The following E2F1 variants were observed in gnomAD, a reference collection of about 807,000 sequenced individuals.
E2F1 encodes the protein E2F transcription factor 1.
E2F1 carries 7 observed loss-of-function variants against 36.9 expected under a neutral mutation model. The ratio of observed to expected loss-of-function variants is 0.19; its 90% CI spans 0.11 to 0.36. The LOEUF (loss-of-function observed/expected upper bound fraction) is 0.36, where lower values mean the gene tolerates loss of function less well. E2F1 is among the 10% of genes least tolerant of loss of function. The pLI is 1.00. For missense variants in E2F1, 406 were observed against 573.6 expected, an observed-to-expected ratio of 0.71 and a Z score of 2.99; for synonymous variants, 261 against 263.1, an observed-to-expected ratio of 0.99 and a Z score of 0.08.
intron 1 of E2F1, among the ~76,000 whole-genome samples, chr20:33,682,536 C>G (rs1217926952): frequency 1.3e-5 from 2 of 152,218 alleles, no homozygotes; most frequent in East Asian, 3.8e-4. Flanking sequence ...GGCCCAAACC[C>G]TAGCATGCTT....
chr20:33,678,647 T>A (rs1252713746), intron 3 of E2F1, among the ~76,000 whole-genome samples: 4 of 150,318 alleles, frequency 2.7e-5, no homozygotes, highest in African/African-American at 9.8e-5. Context: ...TTCCAAGACA[T>A]GCTGTCAAAT....
chr20:33,682,669 G>A (rs1216138954), intron 1 of E2F1, among the ~76,000 whole-genome samples: 1 of 152,144 alleles, frequency 6.6e-6, no homozygotes, highest in Admixed American at 6.5e-5. Context: ...CTTCTCCCTA[G>A]ATAAACACTG....
At chr20:33,680,557 G>A (rs2018008194) in intron 1 of E2F1, 141 bp from the exon 2 acceptor site, 1 of 663,184 alleles carries the variant, frequency 1.5e-6, no homozygotes. Flanking sequence ...AGATCAGAGG[G>A]GACATAGCCT....
Position 33,679,944 on chromosome 20 carries a change from T to C in E2F1, c.383A>G (p.Tyr128Cys). The C allele has an allele frequency of 6.2e-7, 1 of 1,614,150 alleles. No individual in the cohort carries two copies. Among genetic ancestry groups the C allele is most frequent in the Non-Finnish European group, 8.5e-7 (1 of 1,179,992 alleles). ...GGTGGTCAGATTCAGTGAGGTCTCA[T>C]AGCGTGACTTCTCCCCCGGGGATTT... is the stretch of plus-strand genomic sequence containing the variant. The part of the protein sequence containing the change: ...GVKSPGEKSR[Y>C]ETSLNLTTKR... The change falls in exon 3 of 7, where the codon TAT becomes TGT. Residue 128 changes from tyrosine (Y) to cysteine (C), a missense_variant. This residue lies in a region of E2F1 where 77 missense variants were observed against 131.7 expected (regional missense o/e 0.58). Coordinates refer to ENST00000343380, the MANE Select transcript of E2F1 (RefSeq NM_005225.3). The surrounding 1 kb of genome is among the most constrained non-coding windows in gnomAD (Gnocchi z 4.6).
chr20:33,685,466 C>G (rs1465342738), intron 1 of E2F1, among the ~76,000 whole-genome samples: 1 of 152,122 alleles, frequency 6.6e-6, no homozygotes, highest in Non-Finnish European at 1.5e-5. Context: ...GACTTTCCTC[C>G]GCCCCGCCTT....
intron 1 of E2F1, among the ~76,000 whole-genome samples, chr20:33,683,450 C>CAAAAA (rs60838396): frequency 9.1e-5 from 5 of 54,738 alleles, no homozygotes; most frequent in Admixed American, 5.5e-4. Context: ...GACTTCATCT[C>CAAAAA]AAAAAAAAAA....
intron 1 of E2F1, among the ~76,000 whole-genome samples, chr20:33,685,758 T>C: frequency 6.6e-6 from 1 of 152,140 alleles, no homozygotes; most frequent in African/African-American, 2.4e-5. Flanking sequence ...AGTCCGACGC[T>C]GGGGAGGCTC....
At position 33,679,730 on chromosome 20, in the gene E2F1, G is replaced by T. The variant is rs374343061; in HGVS notation, c.572+25C>A. On this transcript the variant is annotated intron_variant, in intron 3 of 6. Transcript: ENST00000343380. The surrounding 1 kb of genome is among the most constrained non-coding windows in gnomAD (Gnocchi z 4.6). ...CAGGCTGGCATGGGCAGGTGTGCCT[G>T]CCCTCCTGTGTGGCCGGTACCTACA... 2 of 1,608,478 alleles carry T rather than the reference G, an allele frequency of 1.2e-6. No individual in the cohort carries two copies. The highest frequency in any genetic ancestry group is 2.7e-5 in the African/African-American group (2 of 74,906).
intron 1 of E2F1, 62 bp downstream of exon 1, chr20:33,685,942 C>G: frequency 9.2e-7 from 1 of 1,088,704 alleles, no homozygotes; most frequent in Non-Finnish European, 1.1e-6. Flanking sequence ...ACACGGCGCC[C>G]TCCCGGGTCT....
In E2F1 at chr20:33,676,910, G is replaced by A. The variant is rs1160751229; in HGVS notation, c.1136C>T (p.Ala379Val). Residue 379 changes from alanine (A) to valine (V), a missense_variant, in exon 7 of 7, where the codon GCG (alanine) becomes GTG (valine). Physicochemically the swap from Ala to Val is moderately conservative, Grantham distance 64. Around this residue, in one of 5 missense-constraint regions of E2F1, gnomAD observed 163 missense variants for 181.5 expected, o/e 0.90. Coordinates refer to ENST00000343380, the MANE Select transcript of E2F1 (RefSeq NM_005225.3). ...CACATGCTCCAGGAGCGAGTCGGCCGCCACCAGCGGGGACAGGCGGTCCTC... is the reference window on the plus strand; with the variant it reads ...CACATGCTCCAGGAGCGAGTCGGCCACCACCAGCGGGGACAGGCGGTCCTC... ...VDEDRLSPLVAADSLLEHVRE... is the reference protein window; with the variant it reads ...VDEDRLSPLVVADSLLEHVRE... The A allele has an allele frequency of 1.5e-5, 24 of 1,568,286 alleles. No individual in the cohort carries two copies. Among genetic ancestry groups the A allele is most frequent in the South Asian group, 2.3e-5 (2 of 86,112 alleles).
chr20:33,678,048 T>C (rs1373238020), intron 4 of E2F1, among the ~76,000 whole-genome samples, 153 bp downstream of exon 4: 1 of 152,216 alleles, frequency 6.6e-6, no homozygotes, highest in Non-Finnish European at 1.5e-5. Flanking sequence ...GTTAAGCAAT[T>C]TATCCAGTGT....
At chr20:33,684,130 T>C (rs1248979009) in intron 1 of E2F1, among the ~76,000 whole-genome samples, 1 of 152,222 alleles carries the variant, frequency 6.6e-6, no homozygotes, top group African/African-American at 2.4e-5. Flanking sequence ...GTTGAATGAA[T>C]GGAATGCCCA....
intron 1 of E2F1, 42 bp from the exon 2 acceptor site, chr20:33,680,458 G>A: frequency 6.3e-7 from 1 of 1,586,880 alleles, no homozygotes; most frequent in Non-Finnish European, 8.6e-7. Context: ...CAGGAGTGAG[G>A]CCAGAAGAGA....
Position 33,676,981 on chromosome 20 carries a change from T to TG in E2F1, c.1067-3dup. 1 of 1,563,440 alleles carries TG rather than the reference T, an allele frequency of 6.4e-7. No homozygotes were observed. Among genetic ancestry groups the TG allele is most frequent in the South Asian group, 1.2e-5 (1 of 85,444 alleles). The stretch of plus-strand genomic sequence containing the variant: ...TGCCCATCCGGGACAACAGCGGTTC[T>TG]GGGGAGACGGGGAGCATCACAGGCC... On this transcript the variant is annotated splice_region_variant and splice_polypyrimidine_tract_variant and intron_variant, in intron 6 of 6. Coordinates refer to ENST00000343380, the MANE Select transcript of E2F1 (RefSeq NM_005225.3).
chr20:33,677,022 G>A (rs2017969802), intron 6 of E2F1, 43 bp from the exon 7 acceptor site: 1 of 1,559,904 alleles, frequency 6.4e-7, no homozygotes, highest in South Asian at 1.2e-5. Context: ...TGCCCCAGCA[G>A]GGAGGAAGGC....
Position 33,679,989 on chromosome 20 carries a change from T to C in E2F1, c.353-15A>G. 1 of 1,601,420 alleles carries C rather than the reference T, an allele frequency of 6.2e-7. No individual in the cohort carries two copies. Among genetic ancestry groups the C allele is most frequent in the East Asian group, 2.3e-5 (1 of 44,354 alleles). ...GGATTTCACACCTGTGGGGGTGTGGTCAGGCAAGACAGGGCCCTTCAGCAT... is the reference window on the plus strand; with the variant it reads ...GGATTTCACACCTGTGGGGGTGTGGCCAGGCAAGACAGGGCCCTTCAGCAT... On this transcript the variant is annotated splice_polypyrimidine_tract_variant and intron_variant, in intron 2 of 6. Transcript: ENST00000343380. This position sits in a 1 kb window ranked among gnomAD's most constrained non-coding sequence, Gnocchi z 4.6.
intron 1 of E2F1, among the ~76,000 whole-genome samples, chr20:33,682,824 G>A (rs1568910254): frequency 6.6e-6 from 1 of 152,212 alleles, no homozygotes; most frequent in Non-Finnish European, 1.5e-5. Flanking sequence ...GACCGAGGCA[G>A]GTTGACAAGA....
intron 1 of E2F1, among the ~76,000 whole-genome samples, chr20:33,683,782 AT>A (rs200831267): frequency 3.3e-5 from 5 of 152,244 alleles, no homozygotes; most frequent in East Asian, 1.9e-4. Context: ...CAAAAAAAAA[AT>A]AAATAAATAA....
chr20:33,676,856 T>C lies in E2F1; in HGVS notation c.1190A>G (p.Glu397Gly). 2 of 1,590,262 alleles carry C rather than the reference T, an allele frequency of 1.3e-6. No individual in the cohort carries two copies. The highest frequency in any genetic ancestry group is 1.7e-6 in the Non-Finnish European group (2 of 1,167,510). Residue 397 changes from glutamate to glycine, a missense_variant, in exon 7 of 7, where the codon GAG (glutamate) becomes GGG (glycine). Physicochemically the swap from Glu to Gly is moderately conservative, Grantham distance 98. Around this residue, in one of 5 missense-constraint regions of E2F1, gnomAD observed 163 missense variants for 181.5 expected, o/e 0.90. Transcript: ENST00000343380. ...VREDFSGLLPEEFISLSPPHE... is the reference protein window; with the variant it reads ...VREDFSGLLPGEFISLSPPHE... ...GGGTGGGGAAAGGCTGATGAACTCC[T>C]CAGGGAGGAGGCCGGAGAAGTCCTC...
Sources: gnomAD v4.1 joint callset for allele counts (sites outside exome capture counted in the v4.1 genomes callset) on GRCh38, gnomAD v4.1.1 for gene constraint, gnomAD v4.1.1 regional missense constraint, Gnocchi (gnomAD v3.1) non-coding constraint, MANE v1.5 for transcripts, NCBI Gene and HGNC (gene_info 2026-07-23, HGNC 2026-07-21) for gene names.